The following TMEM132B variants were observed in gnomAD, a reference collection of about 807,000 sequenced individuals.
TMEM132B encodes the protein transmembrane protein 132B.
Under a neutral mutation model 90.8 loss-of-function variants are expected in TMEM132B, and 18 were observed. The ratio of observed to expected loss-of-function variants is 0.20; its 90% CI spans 0.14 to 0.29. TMEM132B has a LOEUF of 0.29. Ranked by LOEUF, TMEM132B falls within the 10% of genes least tolerant of loss-of-function variation. The pLI is 1.00. For synonymous variants in TMEM132B, 504 were observed against 523.3 expected, an observed-to-expected ratio of 0.96 and a Z score of 0.50; for missense variants, 1,096 against 1,326.8, an observed-to-expected ratio of 0.83 and a Z score of 2.70.
At chr12:125,608,742 G>T (rs1404626464) in intron 5 of TMEM132B, among the ~76,000 whole-genome samples, 3 of 151,966 alleles carry the variant, frequency 2.0e-5, no homozygotes, top group African/African-American at 7.3e-5. Context: ...TAGTTTTTAT[G>T]TATGGTTTGA....
intron 2 of TMEM132B, among the ~76,000 whole-genome samples, chr12:125,374,899 A>T (rs997631801): frequency 6.6e-5 from 10 of 152,126 alleles, no homozygotes; most frequent in African/African-American, 2.4e-4. Context: ...TGAGAGTTAC[A>T]TTTCATTTTG....
intron 2 of TMEM132B, among the ~76,000 whole-genome samples, chr12:125,412,071 T>C (rs1027085381): frequency 5.9e-5 from 9 of 152,180 alleles, no homozygotes; most frequent in African/African-American, 2.2e-4. Flanking sequence ...CTCCCCGCAC[T>C]GGACCCTCTG....
rs565392666 is a variant in TMEM132B at position 125,659,397 on chromosome 12, C to T, written c.*4687C>T. 88 of 152,432 alleles carry T rather than the reference C, an allele frequency of 5.8e-4. No homozygotes were observed. The highest frequency in any genetic ancestry group is 2.0e-3 in the African/African-American group (82 of 41,572). The allele number at this position is 152,432 out of a possible 1,614,324, so 9.4% of individuals were successfully genotyped here. ...CTCTGTCCACCCTTTGGTCTTTGCT[C>T]GTCAATGGCTTGGTCTTGTATATGT... On this transcript the variant is annotated 3_prime_UTR_variant, in exon 9 of 9. Coordinates refer to ENST00000682704, the MANE Select transcript of TMEM132B (RefSeq NM_001366854.1).
At position 125,334,488 on chromosome 12, in the gene TMEM132B, G is replaced by A. The variant is rs190531322; in HGVS notation, c.68-14964G>A. 6.4e-3 allele frequency among the ~76,000 whole-genome samples: 972 copies of A among 152,334 alleles called. 6 individuals carry two copies. Among genetic ancestry groups the A allele is most frequent in the Non-Finnish European group, 0.011 (759 of 68,034 alleles). ...GCTGGAAGGAATACAGGAAGTAACA[G>A]GAGTAATAAAGGACCTGACAGGGTT... On this transcript the variant is annotated intron_variant, in intron 1 of 8. Coordinates refer to ENST00000682704, the MANE Select transcript of TMEM132B (RefSeq NM_001366854.1).
At chr12:125,324,224 A>G (rs761230910) in intron 1 of TMEM132B, among the ~76,000 whole-genome samples, 9 of 152,212 alleles carry the variant, frequency 5.9e-5, no homozygotes, top group Admixed American at 3.3e-4. Context: ...AAGGTCTAGT[A>G]AATAAATATA....
At chr12:125,616,637 C>T (rs932797732) in intron 5 of TMEM132B, among the ~76,000 whole-genome samples, 13 of 152,108 alleles carry the variant, frequency 8.5e-5, no homozygotes, top group Non-Finnish European at 1.8e-4. Context: ...TTTGAACAGC[C>T]GTCTAAAAAT....
chr12:125,468,359 T>C (rs947057573), intron 3 of TMEM132B, among the ~76,000 whole-genome samples: 2 of 152,254 alleles, frequency 1.3e-5, no homozygotes, highest in African/African-American at 4.8e-5. Context: ...TTCTGTCACT[T>C]GCATTGAATA....
chr12:125,228,113 A>G (rs1221567584), intron 1 of TMEM132B, among the ~76,000 whole-genome samples: 4 of 152,196 alleles, frequency 2.6e-5, no homozygotes, highest in African/African-American at 7.2e-5. Context: ...AAATCAAGAC[A>G]TCAAGAGTAG....
At chr12:125,360,091 C>CAAAAT (rs1208837076) in intron 2 of TMEM132B, among the ~76,000 whole-genome samples, 2 of 152,104 alleles carry the variant, frequency 1.3e-5, no homozygotes, top group African/African-American at 2.4e-5. Context: ...CAAAACAAAA[C>CAAAAT]AAAATAGAAC....
intron 3 of TMEM132B, among the ~76,000 whole-genome samples, chr12:125,476,978 G>A (rs1881898686): frequency 6.6e-6 from 1 of 152,192 alleles, no homozygotes; most frequent in South Asian, 2.1e-4. Flanking sequence ...TCTCCACCCA[G>A]ATTGGTAGTT....
At chr12:125,515,183 C>G (rs920284385) in intron 3 of TMEM132B, among the ~76,000 whole-genome samples, 1 of 149,912 alleles carries the variant, frequency 6.7e-6, no homozygotes, top group Non-Finnish European at 1.5e-5. Flanking sequence ...CACTCACACA[C>G]GCATTCTCTC....
rs1555248893 is a variant in TMEM132B at position 125,432,554 on chromosome 12, G to GAGAGAT, written c.1106+16882_1106+16883insTAGAGA. Among the ~76,000 whole-genome samples, 40 of 72,780 alleles carry GAGAGAT rather than the reference G, an allele frequency of 5.5e-4. 12 individuals are homozygous for GAGAGAT. The highest frequency in any genetic ancestry group is 1.3e-3 in the African/African-American group (20 of 15,666). 47.7% of individuals were successfully genotyped at this position (72,780 alleles called of 152,430 possible). ...AGAGAGAGAGAGAGAGAGAGAGAGA[G>GAGAGAT]AGAGAGAGAGAGAAAGAGAGTGTTA... is the stretch of plus-strand genomic sequence containing the variant. On this transcript the variant is annotated intron_variant, in intron 3 of 8. Coordinates refer to ENST00000682704, the MANE Select transcript of TMEM132B (RefSeq NM_001366854.1).
intron 3 of TMEM132B, among the ~76,000 whole-genome samples, chr12:125,424,090 C>A (rs79645129): frequency 0.034 from 5,162 of 152,282 alleles, 121 homozygotes; most frequent in Middle Eastern, 0.058. Flanking sequence ...ATATTCTATT[C>A]ATTCCCCATA....
chr12:125,436,915 C>T (rs1366026839), intron 3 of TMEM132B, among the ~76,000 whole-genome samples: 1 of 152,226 alleles, frequency 6.6e-6, no homozygotes, highest in African/African-American at 2.4e-5. Flanking sequence ...CAAGTCCCTT[C>T]TGCCACCTGC....
chr12:125,346,841 C>T (rs1427989769), intron 1 of TMEM132B, among the ~76,000 whole-genome samples: 1 of 152,196 alleles, frequency 6.6e-6, no homozygotes, highest in African/African-American at 2.4e-5. Flanking sequence ...GTTATGAGGT[C>T]GTTTTCAATT....
chr12:125,256,862 A>C (rs1197351143), intron 1 of TMEM132B, among the ~76,000 whole-genome samples: 1 of 152,146 alleles, frequency 6.6e-6, no homozygotes, highest in African/African-American at 2.4e-5. Context: ...TTTTCTGTTC[A>C]TCTAAGGGTG....
intron 4 of TMEM132B, among the ~76,000 whole-genome samples, chr12:125,572,699 C>T (rs369617689): frequency 2.6e-5 from 4 of 152,304 alleles, no homozygotes; most frequent in Admixed American, 2.6e-4. Flanking sequence ...TTCTTATCAT[C>T]CTTTCAATCA....
chr12:125,255,719 T>C (rs1874424477), intron 1 of TMEM132B, among the ~76,000 whole-genome samples: 1 of 152,142 alleles, frequency 6.6e-6, no homozygotes, highest in Non-Finnish European at 1.5e-5. Flanking sequence ...TATTTATTTA[T>C]TTTGATCTCA....
At position 125,415,235 on chromosome 12, in the gene TMEM132B, A is replaced by G. The variant is rs1197656973; in HGVS notation, c.960-296A>G. ...GGCCCGAGGCATCTGTCTCATTTGCATCATGCTGGGATCCCTGGAGCAGCA... is the reference window on the plus strand; with the variant it reads ...GGCCCGAGGCATCTGTCTCATTTGCGTCATGCTGGGATCCCTGGAGCAGCA... On this transcript the variant is annotated intron_variant, in intron 2 of 8. Coordinates refer to ENST00000682704, the MANE Select transcript of TMEM132B (RefSeq NM_001366854.1). The surrounding 1 kb of genome is among the most constrained non-coding windows in gnomAD (Gnocchi z 5.3). Among the ~76,000 whole-genome samples, 6 of 152,220 alleles carry G rather than the reference A, an allele frequency of 3.9e-5. No homozygotes were observed. The highest frequency in any genetic ancestry group is 7.2e-5 in the African/African-American group (3 of 41,464).
Sources: allele counts gnomAD v4.1 joint callset (sites outside exome capture counted in the v4.1 genomes callset), GRCh38; gene constraint gnomAD v4.1.1; non-coding constraint Gnocchi (gnomAD v3.1); transcripts MANE v1.5; gene names NCBI Gene and HGNC (gene_info 2026-07-23, HGNC 2026-07-21).